UROS: variants seen among roughly 807,000 people sequenced by gnomAD.
UROS encodes the protein uroporphyrinogen III synthase, also known as uroporphyrinogen-III synthase.
UROS carries 18 observed loss-of-function variants against 33.0 expected under a neutral mutation model. The observed-to-expected ratio is 0.55, with a 90% CI of 0.38 to 0.81. UROS has a LOEUF of 0.81. Among genes scored for constraint, UROS ranks in the 30% least tolerant of loss-of-function variants. The probability of loss-of-function intolerance (pLI) is 0.00; values close to 1 mark genes in which losing one functional copy is unlikely to be tolerated. For synonymous variants in UROS, 114 were observed against 121.1 expected (o/e 0.94, Z 0.38); for missense variants, 293 against 314.9 (o/e 0.93, Z 0.53).
chr10:125,797,939 C>A, intron 7 of UROS, 126 bp downstream of exon 7: 1 of 1,102,066 alleles, frequency 9.1e-7, no homozygotes, highest in Non-Finnish European at 1.4e-6. Context: ...GTCTCCTGGC[C>A]TGGCTTATCC....
intron 9 of UROS, chr10:125,789,264 G>A (rs1330397700): frequency 7.1e-7 from 1 of 1,407,320 alleles, no homozygotes; most frequent in Non-Finnish European, 9.3e-7. Context: ...GGACTTGAAG[G>A]CCCCAGGCTG....
chr10:125,796,307 T>C, intron 7 of UROS, 119 bp from the exon 8 acceptor site: 1 of 1,030,586 alleles, frequency 9.7e-7, no homozygotes, highest in Non-Finnish European at 1.5e-6. Context: ...TGGAACGAGC[T>C]GCTTGGAAGC....
chr10:125,792,296 T>C (rs1850996415), intron 9 of UROS: 3 of 152,202 alleles, frequency 2.0e-5, no homozygotes, highest in Admixed American at 6.5e-5. Context: ...CCTGTGTCAA[T>C]GAATGCTCAC....
At chr10:125,798,554 G>A (rs932677751) in intron 6 of UROS, among the ~76,000 whole-genome samples, 3 of 152,174 alleles carry the variant, frequency 2.0e-5, no homozygotes, top group Non-Finnish European at 4.4e-5. Flanking sequence ...TACCTTTAAA[G>A]AGGCTCCAGA....
At chr10:125,790,184 A>G (rs919039554) in intron 9 of UROS, among the ~76,000 whole-genome samples, 1 of 152,074 alleles carries the variant, frequency 6.6e-6, no homozygotes, top group African/African-American at 2.4e-5. Context: ...CCCCGCCCAC[A>G]GTACTGCCTT....
chr10:125,807,418 C>T lies in UROS; in HGVS notation c.389G>A (p.Cys130Tyr). 6.2e-7 allele frequency: 1 copy of T among 1,613,916 alleles called. No individual in the cohort carries two copies. Among genetic ancestry groups the T allele is most frequent in the Non-Finnish European group, 8.5e-7 (1 of 1,179,924 alleles). ...AGTGATGTTTTTCTACTTACTGGAACAAATATATTCTGCAAGCTTTTCTGC... is the reference window on the plus strand; with the variant it reads ...AGTGATGTTTTTCTACTTACTGGAATAAATATATTCTGCAAGCTTTTCTGC... ...GNAEKLAEYI[C>Y]SRESSALPLL... The change falls in exon 6 of 10, where the codon TGT (cysteine) becomes TAT (tyrosine). Residue 130 changes from cysteine to tyrosine, a missense_variant. Cys to Tyr is a radical substitution (Grantham distance 194). Transcript: ENST00000368797.
intron 6 of UROS, among the ~76,000 whole-genome samples, chr10:125,801,123 A>G (rs1053905411): frequency 6.6e-6 from 1 of 152,200 alleles, no homozygotes; most frequent in Non-Finnish European, 1.5e-5. Context: ...CAGTTCGAGC[A>G]GACAGTGGGC....
chr10:125,800,570 T>G (rs1437147389), intron 6 of UROS, among the ~76,000 whole-genome samples: 1 of 151,050 alleles, frequency 6.6e-6, no homozygotes, highest in African/African-American at 2.4e-5. Context: ...TCTTTCTTTT[T>G]TTTTTTTTTG....
chr10:125,795,238 C>T (rs1332802233), intron 8 of UROS: 2 of 517,916 alleles, frequency 3.9e-6, no homozygotes, highest in South Asian at 2.0e-5. Flanking sequence ...ACATGGGCAT[C>T]CCGGAGCTCA....
At chr10:125,799,742 A>G (rs984978320) in intron 6 of UROS, among the ~76,000 whole-genome samples, 2 of 152,188 alleles carry the variant, frequency 1.3e-5, no homozygotes, top group Admixed American at 6.5e-5. Context: ...AGCTCAGCTG[A>G]CTTCACTGAA....
At chr10:125,799,963 C>T (rs1851686713) in intron 6 of UROS, among the ~76,000 whole-genome samples, 1 of 152,150 alleles carries the variant, frequency 6.6e-6, no homozygotes, top group Admixed American at 6.5e-5. Context: ...TTAAGGCTGA[C>T]ACAGAGATAG....
chr10:125,817,050 A>T (rs796605522), intron 1 of UROS, among the ~76,000 whole-genome samples: 11 of 152,236 alleles, frequency 7.2e-5, no homozygotes, highest in African/African-American at 2.6e-4. Flanking sequence ...TATATACTTC[A>T]TCTTCTTTCT....
At chr10:125,807,155 A>C (rs1184846840) in intron 6 of UROS, 9 of 500,594 alleles carry the variant, frequency 1.8e-5, no homozygotes, top group Admixed American at 3.3e-5. Flanking sequence ...CACTGTTTTT[A>C]TCTCCCAAAT....
intron 8 of UROS, among the ~76,000 whole-genome samples, chr10:125,795,775 C>T (rs554959004): frequency 6.6e-6 from 1 of 152,288 alleles, no homozygotes; most frequent in African/African-American, 2.4e-5. Flanking sequence ...TCCTTTAACC[C>T]CTATAAAAAC....
chr10:125,815,452 G>C, intron 3 of UROS, among the ~76,000 whole-genome samples: 1 of 152,158 alleles, frequency 6.6e-6, no homozygotes, highest in African/African-American at 2.4e-5. Context: ...ATTAGAGTGG[G>C]GTGCAGGTAG....
chr10:125,800,885 A>T (rs943491330), intron 6 of UROS, among the ~76,000 whole-genome samples: 4 of 151,890 alleles, frequency 2.6e-5, no homozygotes, highest in Non-Finnish European at 5.9e-5. Flanking sequence ...CTTTCCTTTC[A>T]CTTAATAAGT....
intron 6 of UROS, among the ~76,000 whole-genome samples, chr10:125,806,394 A>G (rs1290480533): frequency 1.3e-5 from 2 of 152,290 alleles, no homozygotes; most frequent in South Asian, 4.1e-4. Flanking sequence ...GGACCACCTT[A>G]GAGGAAACTC....
At chr10:125,788,420 C>A (rs1350360294), downstream of UROS, among the ~76,000 whole-genome samples, 1 of 152,194 alleles carries the variant, frequency 6.6e-6, no homozygotes, top group African/African-American at 2.4e-5. Context: ...GGCTCACAAG[C>A]AGGAACTTCA....
At position 125,796,127 on chromosome 10, in the gene UROS, G is replaced by A. The variant is rs762935141; in HGVS notation, c.537C>T (p.Asn179=). ...QTVAHPGIQG[N]LNSYYSQQGV... is the part of the protein sequence containing the mutation. ...CCTGCTGGGAATAGTAGCTGTTCAG[G>A]TTCCCTTGGATTCCTGGGTGTGCAA... Residue 179 remains asparagine (N), a synonymous_variant, in exon 8 of 10, where the codon AAC becomes AAT. Coordinates refer to ENST00000368797, the MANE Select transcript of UROS (RefSeq NM_000375.3). 6.2e-7 allele frequency: 1 copy of A among 1,614,154 alleles called. No homozygotes were observed. Among genetic ancestry groups the A allele is most frequent in the Non-Finnish European group, 8.5e-7 (1 of 1,180,038 alleles).
Sources: gnomAD v4.1 joint callset for allele counts (sites outside exome capture counted in the v4.1 genomes callset) on GRCh38, gnomAD v4.1.1 for gene constraint, MANE v1.5 for transcripts, NCBI Gene and HGNC (gene_info 2026-07-23, HGNC 2026-07-21) for gene names.